ITGB5: variants seen among roughly 807,000 people sequenced by gnomAD.
ITGB5 encodes the protein integrin beta-5.
In ITGB5, 38 loss-of-function variants were observed where a neutral mutation model predicts 84.8. That is an observed-to-expected ratio of 0.45 (90% confidence interval 0.35 to 0.59). ITGB5 has a LOEUF of 0.59. Among genes scored for constraint, ITGB5 ranks in the 20% least tolerant of loss-of-function variants. ITGB5 has a pLI of 0.01. For synonymous variants in ITGB5, 393 were observed against 414.4 expected, an observed-to-expected ratio of 0.95 and a Z score of 0.63; for missense variants, 905 against 1,034.5, an observed-to-expected ratio of 0.87 and a Z score of 1.72.
chr3:124,793,684 C>T (rs2064181265), intron 10 of ITGB5, among the ~76,000 whole-genome samples: 1 of 152,248 alleles, frequency 6.6e-6, no homozygotes, highest in African/African-American at 2.4e-5. Flanking sequence ...GGACTTAGGC[C>T]CAGGCCTCCT....
intron 9 of ITGB5, among the ~76,000 whole-genome samples, chr3:124,806,494 C>T (rs1301964408): frequency 7.6e-6 from 1 of 131,424 alleles, no homozygotes; most frequent in Non-Finnish European, 1.5e-5. Flanking sequence ...AGTGCAGTGG[C>T]GCGATCTCGG....
chr3:124,805,965 T>G (rs1156556599), intron 9 of ITGB5, among the ~76,000 whole-genome samples: 1 of 152,208 alleles, frequency 6.6e-6, no homozygotes, highest in Non-Finnish European at 1.5e-5. Context: ...ATAAGCTGTT[T>G]TCTCCAGCTC....
intron 4 of ITGB5, among the ~76,000 whole-genome samples, chr3:124,842,151 G>T (rs897582259): frequency 6.6e-6 from 1 of 152,314 alleles, no homozygotes; most frequent in Admixed American, 6.5e-5. Flanking sequence ...TCTAAATATT[G>T]TACCAACAAA....
chr3:124,799,905 A>G (rs918903923), intron 9 of ITGB5, among the ~76,000 whole-genome samples: 1 of 152,208 alleles, frequency 6.6e-6, no homozygotes, highest in Non-Finnish European at 1.5e-5. Flanking sequence ...TGGTGGCCAG[A>G]GGCATCTCCA....
At chr3:124,864,730 A>T (rs1220103527) in intron 2 of ITGB5, among the ~76,000 whole-genome samples, 1 of 152,092 alleles carries the variant, frequency 6.6e-6, no homozygotes, top group Non-Finnish European at 1.5e-5. Context: ...TACCCTCTGT[A>T]TCTAACATGA....
In ITGB5 at chr3:124,814,915, C is replaced by T. The variant is rs1430553556; in HGVS notation, c.1128+2706G>A. Among the ~76,000 whole-genome samples the T allele has an allele frequency of 2.0e-5, 3 of 152,108 alleles. No homozygotes were observed. In the East Asian group the frequency reaches 5.8e-4, roughly 29 times the overall value. On this transcript the variant is annotated intron_variant, in intron 8 of 14. Coordinates refer to ENST00000296181, the MANE Select transcript of ITGB5 (RefSeq NM_002213.5). The stretch of plus-strand genomic sequence containing the variant: ...TCGTGCCAGGTTCCAAAAGCAGCTC[C>T]AGCCCAGAACAACTGTTCCCTGTAC...
intron 1 of ITGB5, among the ~76,000 whole-genome samples, chr3:124,884,091 T>C (rs369906002): frequency 2.0e-5 from 3 of 152,266 alleles, no homozygotes; most frequent in African/African-American, 7.2e-5. Flanking sequence ...GGGTCATCTC[T>C]TTCTTTTCTC....
intron 11 of ITGB5, among the ~76,000 whole-genome samples, chr3:124,772,977 G>A (rs751553284): frequency 2.0e-5 from 3 of 146,560 alleles, no homozygotes; most frequent in Non-Finnish European, 3.0e-5. Flanking sequence ...GCAGTGGTGC[G>A]ATCTTGCAAT....
chr3:124,842,216 T>C (rs2065020147), intron 4 of ITGB5, among the ~76,000 whole-genome samples: 1 of 152,244 alleles, frequency 6.6e-6, no homozygotes, highest in Admixed American at 6.5e-5. Flanking sequence ...CATCTTCAAA[T>C]GGAAAGTTAT....
rs1446745248 is a variant in ITGB5 at position 124,769,506 on chromosome 3, T to TA, written c.1917-394_1917-393insT. On this transcript the variant is annotated intron_variant, in intron 11 of 14. Coordinates refer to ENST00000296181, the MANE Select transcript of ITGB5 (RefSeq NM_002213.5). ...TCACACTCCCATGGTCAGAGCTCAA[T>TA]GCCCCAACATTGTCCTAGTTCCCCA... 6 of 164,040 alleles carry TA rather than the reference T, an allele frequency of 3.7e-5. No homozygotes were observed. In the Admixed American group the frequency reaches 3.7e-4, roughly 10 times the overall value. The allele number at this position is 164,040 out of a possible 1,614,324, so 10.2% of individuals were successfully genotyped here.
At chr3:124,788,246 C>T (rs150721367) in intron 10 of ITGB5, among the ~76,000 whole-genome samples, 1 of 152,176 alleles carries the variant, frequency 6.6e-6, no homozygotes, top group Non-Finnish European at 1.5e-5. Context: ...GGTAGGGCCC[C>T]TGCAAGGAGC....
At chr3:124,851,231 A>T (rs2065148702) in intron 3 of ITGB5, among the ~76,000 whole-genome samples, 1 of 152,136 alleles carries the variant, frequency 6.6e-6, no homozygotes, top group Non-Finnish European at 1.5e-5. Flanking sequence ...ACTAGGGAGA[A>T]CTCAGGCTCT....
intron 3 of ITGB5, among the ~76,000 whole-genome samples, chr3:124,856,156 G>A (rs930924087): frequency 2.0e-5 from 3 of 152,096 alleles, no homozygotes; most frequent in African/African-American, 7.2e-5. Context: ...AAACCACTGA[G>A]ATTACAGGCA....
At chr3:124,899,216 C>T (rs376325070) in intron 1 of ITGB5, among the ~76,000 whole-genome samples, 144 of 152,276 alleles carry the variant, frequency 9.5e-4, no homozygotes, top group East Asian at 2.9e-3. Flanking sequence ...TTCCAGGACA[C>T]GCTTTGCTCT....
intron 5 of ITGB5, among the ~76,000 whole-genome samples, chr3:124,827,665 T>G (rs559471678): frequency 1.7e-4 from 26 of 152,336 alleles, no homozygotes; most frequent in South Asian, 1.0e-3. Flanking sequence ...GTCAGGCCTC[T>G]GAGCCCAAGC....
At chr3:124,816,129 G>C (rs865909065) in intron 8 of ITGB5, among the ~76,000 whole-genome samples, 3 of 152,138 alleles carry the variant, frequency 2.0e-5, no homozygotes, top group African/African-American at 7.2e-5. Flanking sequence ...GGGAAGAAAG[G>C]GGGTAAAAAC....
At chr3:124,765,731 GAGC>G (rs966779237) in intron 13 of ITGB5, among the ~76,000 whole-genome samples, 1 of 152,114 alleles carries the variant, frequency 6.6e-6, no homozygotes, top group Non-Finnish European at 1.5e-5. Flanking sequence ...TCTAGGAGTG[GAGC>G]AGCAGTGACC....
At chr3:124,809,571 G>A (rs1473118979) in intron 8 of ITGB5, among the ~76,000 whole-genome samples, 8 of 151,990 alleles carry the variant, frequency 5.3e-5, no homozygotes, top group Non-Finnish European at 5.9e-5. Context: ...ATGATCCTTT[G>A]CACAATGGCT....
intron 1 of ITGB5, among the ~76,000 whole-genome samples, chr3:124,895,053 C>T (rs780655133): frequency 2.6e-5 from 4 of 152,120 alleles, no homozygotes; most frequent in Non-Finnish European, 5.9e-5. Flanking sequence ...GCTTGTTCTA[C>T]ACAGATGTGG....
Sources: allele counts gnomAD v4.1 joint callset (sites outside exome capture counted in the v4.1 genomes callset), GRCh38; gene constraint gnomAD v4.1.1; transcripts MANE v1.5; gene names NCBI Gene and HGNC (gene_info 2026-07-23, HGNC 2026-07-21).